Variants in SLC17A3 observed in about 807,000 individuals in gnomAD.
The protein encoded by SLC17A3 is sodium-dependent phosphate transport protein 4.
Under a neutral mutation model 60.3 loss-of-function variants are expected in SLC17A3, and 61 were observed. The observed-to-expected ratio is 1.01, with a 90% CI of 0.82 to 1.25. The LOEUF (loss-of-function observed/expected upper bound fraction) is 1.25. SLC17A3 is among the 50% of genes most tolerant of loss of function. SLC17A3 has a pLI of 0.00. For synonymous variants in SLC17A3, 192 were observed against 208.9 expected (o/e 0.92, Z 0.70); for missense variants, 624 against 594.9 (o/e 1.05, Z -0.51).
At chr6:25,853,609 G>A (rs576500152) in intron 6 of SLC17A3, among the ~76,000 whole-genome samples, 1 of 151,660 alleles carries the variant, frequency 6.6e-6, no homozygotes, top group Non-Finnish European at 1.5e-5. Context: ...TAGTACAGAA[G>A]GAGTTTCACC....
chr6:25,869,695 A>C (rs188417866), intron 1 of SLC17A3, among the ~76,000 whole-genome samples: 7 of 152,074 alleles, frequency 4.6e-5, no homozygotes, highest in Middle Eastern at 6.8e-3. Flanking sequence ...AAACTATCAG[A>C]ACTCATAAGA....
In SLC17A3 at chr6:25,850,862, A is replaced by T; in HGVS notation, c.728T>A (p.Val243Asp). The T allele has an allele frequency of 6.2e-7, 1 of 1,614,010 alleles. No individual in the cohort carries two copies. Among genetic ancestry groups the T allele is most frequent in the Middle Eastern group, 1.7e-4 (1 of 6,060 alleles). The change falls in exon 7 of 13, where the codon GTC (valine) becomes GAC (aspartate). Residue 243 changes from valine to aspartate, a missense_variant. Val to Asp is a radical substitution (Grantham distance 152). Coordinates refer to ENST00000397060, the MANE Select transcript of SLC17A3 (RefSeq NM_001098486.2). ...CACAACAAACCAGAGAAGGCAGCAG[A>T]CACAGCCAACACCTCCTGTAAGCAC... ...VFYIFGGVGC[V>D]CCLLWFVVIY...
Position 25,850,071 on chromosome 6 carries a change from A to T in SLC17A3, c.1100T>A (p.Val367Glu), listed in dbSNP as rs752359930. ...ACCTAAAATTGTGGCAATTTTCCTCACAGTGATGAGTCTAAACTTTTTGGT... is the reference window on the plus strand; with the variant it reads ...ACCTAAAATTGTGGCAATTTTCCTCTCAGTGATGAGTCTAAACTTTTTGGT... ...LLTKKFRLIT[V>E]RKIATILGSL... The change falls in exon 9 of 13, where the codon GTG becomes GAG. Residue 367 changes from valine (V) to glutamate (E), a missense_variant. Val to Glu is a moderately radical substitution (Grantham distance 121). Coordinates refer to ENST00000397060, the MANE Select transcript of SLC17A3 (RefSeq NM_001098486.2). 6.2e-7 allele frequency: 1 copy of T among 1,613,976 alleles called. No homozygotes were observed. The highest frequency in any genetic ancestry group is 8.5e-7 in the Non-Finnish European group (1 of 1,179,870).
chr6:25,862,364 T>G lies in SLC17A3; in HGVS notation c.172A>C (p.Ile58Leu), dbSNP rs1328867263. ...ATGGCTACCATGGTGATGTTCATGA[T>G]GACATTTTGTGCTATCGTTGTGAAA... ...CNFTTIAQNV[I>L]MNITMVAMVN... is the part of the protein sequence containing the mutation. Residue 58 changes from isoleucine to leucine, a missense_variant, in exon 3 of 13, where the codon ATC (isoleucine) becomes CTC (leucine). Transcript: ENST00000397060. 8.1e-6 allele frequency: 13 copies of G among 1,613,816 alleles called. No individual in the cohort carries two copies. The highest frequency in any genetic ancestry group is 1.1e-5 in the Non-Finnish European group (13 of 1,179,740).
intron 5 of SLC17A3, among the ~76,000 whole-genome samples, chr6:25,858,770 G>T (rs367933980): frequency 3.3e-5 from 5 of 152,104 alleles, no homozygotes; most frequent in African/African-American, 1.2e-4. Flanking sequence ...ATGCCTAACA[G>T]TTCATGGCTA....
At position 25,850,821 on chromosome 6, in the gene SLC17A3, C is replaced by A. The variant is rs34376145; in HGVS notation, c.769G>T (p.Val257Phe). ...GAGGTGCTTATCCATGGATAGGAAA[C>A]GGGGTCATCATAAATCACAACAAAC... Reference protein sequence around the residue: ...LWFVVIYDDPVSYPWISTSEK... With the variant: ...LWFVVIYDDPFSYPWISTSEK... Residue 257 changes from valine (V) to phenylalanine (F), a missense_variant, in exon 7 of 13, where the codon GTT becomes TTT. Coordinates refer to ENST00000397060, the MANE Select transcript of SLC17A3 (RefSeq NM_001098486.2). 1,026 of 1,613,982 alleles carry A rather than the reference C, an allele frequency of 6.4e-4. 15 individuals are homozygous for A. The highest frequency in any genetic ancestry group is 5.1e-3 in the Middle Eastern group (31 of 6,062).
intron 5 of SLC17A3, among the ~76,000 whole-genome samples, chr6:25,857,955 A>G (rs1384670472): frequency 6.6e-6 from 1 of 151,976 alleles, no homozygotes; most frequent in Non-Finnish European, 1.5e-5. Context: ...CTGCATCCTC[A>G]CTTCCCTCCT....
chr6:25,867,439 C>T (rs1041345761), intron 2 of SLC17A3, among the ~76,000 whole-genome samples: 19 of 151,918 alleles, frequency 1.3e-4, no homozygotes, highest in African/African-American at 4.6e-4. Flanking sequence ...AAATGAAATA[C>T]GTAAACTCTT....
chr6:25,860,430 G>A (rs1765428235), intron 5 of SLC17A3, among the ~76,000 whole-genome samples: 1 of 152,116 alleles, frequency 6.6e-6, no homozygotes, highest in African/African-American at 2.4e-5. Flanking sequence ...CTGCAGAGGA[G>A]CCCCAGGATC....
At chr6:25,845,541 A>G (rs1581517332) in intron 11 of SLC17A3, 25 bp from the exon 12 acceptor site, 1 of 1,613,010 alleles carries the variant, frequency 6.2e-7, no homozygotes, top group Non-Finnish European at 8.5e-7. Flanking sequence ...CCCCAAGTAT[A>G]TATTACCCCT....
chr6:25,870,385 A>G (rs1765621891), intron 1 of SLC17A3, among the ~76,000 whole-genome samples: 1 of 151,822 alleles, frequency 6.6e-6, no homozygotes, highest in African/African-American at 2.4e-5. Context: ...TCCATTAGCA[A>G]TTTTTCTCCC....
At chr6:25,850,322 AG>A (rs1475766031) in intron 8 of SLC17A3, 136 bp downstream of exon 8, 2 of 1,302,582 alleles carry the variant, frequency 1.5e-6, no homozygotes, top group African/African-American at 3.0e-5. Context: ...ACCCCAGAAA[AG>A]CTACTGGCAT....
chr6:25,850,868 C>A lies in SLC17A3; in HGVS notation c.722G>T (p.Gly241Val), dbSNP rs775251332. ...PFVFYIFGGVGCVCCLLWFVV... is the reference protein window; with the variant it reads ...PFVFYIFGGVVCVCCLLWFVV... ...AAACCAGAGAAGGCAGCAGACACAG[C>A]CAACACCTCCTGTAAGCACAGGGTA... The change falls in exon 7 of 13, where the codon GGC becomes GTC. Residue 241 changes from glycine to valine, a missense_variant. Coordinates refer to ENST00000397060, the MANE Select transcript of SLC17A3 (RefSeq NM_001098486.2). 2 of 1,613,654 alleles carry A rather than the reference C, an allele frequency of 1.2e-6. No homozygotes were observed. The highest frequency in any genetic ancestry group is 2.7e-5 in the African/African-American group (2 of 74,906).
At chr6:25,866,961 C>T (rs1055691201) in intron 2 of SLC17A3, among the ~76,000 whole-genome samples, 4 of 152,034 alleles carry the variant, frequency 2.6e-5, no homozygotes, top group African/African-American at 9.6e-5. Context: ...ATTGATACAT[C>T]GTAATTTTTG....
Position 25,861,780 on chromosome 6 carries a change from A to G in SLC17A3, c.537+16T>C. 6.2e-7 allele frequency: 1 copy of G among 1,612,160 alleles called. No homozygotes were observed. ...AGAAATTCATATCCAACTCAGATTT[A>G]TAAAATATTGGGTACCTGGCTTAGG... is the stretch of plus-strand genomic sequence containing the variant. On this transcript the variant is annotated intron_variant, in intron 4 of 12. Coordinates refer to ENST00000397060, the MANE Select transcript of SLC17A3 (RefSeq NM_001098486.2).
At chr6:25,846,156 T>C (rs1449323000) in intron 11 of SLC17A3, among the ~76,000 whole-genome samples, 1 of 152,090 alleles carries the variant, frequency 6.6e-6, no homozygotes, top group Non-Finnish European at 1.5e-5. Context: ...TTTTTTTAAA[T>C]CAATTAAATT....
Position 25,849,798 on chromosome 6 carries a change from G to A in SLC17A3, c.1271+7C>T, listed in dbSNP as rs759832611. ...TGTGAAACTGATAGTGGAGATCAGA[G>A]TCCTACCTTGGAGCAATATCTAAGA... On this transcript the variant is annotated splice_region_variant and intron_variant, in intron 10 of 12. Coordinates refer to ENST00000397060, the MANE Select transcript of SLC17A3 (RefSeq NM_001098486.2). 18 of 1,613,052 alleles carry A rather than the reference G, an allele frequency of 1.1e-5. 1 individual carries two copies. The highest frequency in any genetic ancestry group is 1.7e-5 in the Admixed American group (1 of 59,994).
intron 5 of SLC17A3, among the ~76,000 whole-genome samples, chr6:25,860,306 T>C (rs1765425994): frequency 6.6e-6 from 1 of 151,174 alleles, no homozygotes; most frequent in Admixed American, 6.6e-5. Context: ...TAGAAGACAG[T>C]ACACCGTGTC....
chr6:25,848,108 C>A (rs563705575), intron 11 of SLC17A3, among the ~76,000 whole-genome samples: 4 of 152,246 alleles, frequency 2.6e-5, no homozygotes, highest in African/African-American at 9.6e-5. Flanking sequence ...GGTATTCCAT[C>A]ATATATATGT....
Sources: allele counts gnomAD v4.1 joint callset (sites outside exome capture counted in the v4.1 genomes callset), GRCh38; gene constraint gnomAD v4.1.1; transcripts MANE v1.5; gene names NCBI Gene and HGNC (gene_info 2026-07-23, HGNC 2026-07-21).